EVI5: variants seen among roughly 807,000 people sequenced by gnomAD.
EVI5 encodes ecotropic viral integration site 5 protein homolog.
Under a neutral mutation model 112.0 loss-of-function variants are expected in EVI5, and 73 were observed. The observed-to-expected ratio is 0.65, with a 90% CI of 0.54 to 0.79. EVI5 has a LOEUF of 0.79. EVI5 is among the 30% of genes least tolerant of loss of function. EVI5 has a pLI of 0.00. For synonymous variants in EVI5, 305 were observed against 319.9 expected (o/e 0.95, Z 0.50); for missense variants, 900 against 968.8 (o/e 0.93, Z 0.94).
chr1:92,628,068 G>A (rs759843249), intron 14 of EVI5, among the ~76,000 whole-genome samples: 4 of 152,182 alleles, frequency 2.6e-5, no homozygotes, highest in Admixed American at 6.5e-5. Context: ...GATTACAGGC[G>A]TGAGCCACCG....
At chr1:92,548,023 A>G (rs983279462) in intron 19 of EVI5, among the ~76,000 whole-genome samples, 1 of 152,214 alleles carries the variant, frequency 6.6e-6, no homozygotes, top group Non-Finnish European at 1.5e-5. Flanking sequence ...CTGATACCAA[A>G]GCCTGGCAGA....
intron 18 of EVI5, among the ~76,000 whole-genome samples, chr1:92,569,802 C>T (rs984021085): frequency 2.2e-5 from 3 of 135,648 alleles, no homozygotes; most frequent in African/African-American, 8.6e-5. Context: ...TGCAGTGAGC[C>T]GAGATTGCGC....
At chr1:92,576,997 C>T (rs914897009) in intron 18 of EVI5, among the ~76,000 whole-genome samples, 1 of 152,116 alleles carries the variant, frequency 6.6e-6, no homozygotes, top group African/African-American at 2.4e-5. Flanking sequence ...AAAATAAGTG[C>T]TGAGTGCCAC....
intron 18 of EVI5, among the ~76,000 whole-genome samples, chr1:92,585,328 C>T (rs1672609477): frequency 6.6e-6 from 1 of 151,796 alleles, no homozygotes; most frequent in Non-Finnish European, 1.5e-5. Flanking sequence ...CCCATCTGTA[C>T]AAAAAATTTA....
intron 19 of EVI5, among the ~76,000 whole-genome samples, chr1:92,553,297 A>ATTTTTTTTT (rs147973775): frequency 1.3e-5 from 1 of 74,214 alleles, no homozygotes; most frequent in Non-Finnish European, 2.4e-5. Context: ...CACCTGGCCA[A>ATTTTTTTTT]TTTTTTTTTT....
intron 2 of EVI5, among the ~76,000 whole-genome samples, chr1:92,733,842 G>A (rs767910689): frequency 9.9e-5 from 15 of 152,066 alleles, no homozygotes; most frequent in Non-Finnish European, 2.1e-4. Flanking sequence ...ACAAAGGTGC[G>A]TTTCCTGTTG....
At chr1:92,546,282 G>A (rs988694581) in intron 19 of EVI5, among the ~76,000 whole-genome samples, 1 of 152,168 alleles carries the variant, frequency 6.6e-6, no homozygotes, top group Non-Finnish European at 1.5e-5. Flanking sequence ...GACAAAGACA[G>A]AACTAGAATC....
intron 19 of EVI5, among the ~76,000 whole-genome samples, chr1:92,552,467 C>T (rs909248079): frequency 6.6e-6 from 1 of 152,184 alleles, no homozygotes; most frequent in Non-Finnish European, 1.5e-5. Flanking sequence ...CACTTTTCCC[C>T]ACCAAACTAA....
intron 16 of EVI5, among the ~76,000 whole-genome samples, chr1:92,618,458 G>A (rs769181131): frequency 5.9e-5 from 9 of 152,136 alleles, no homozygotes; most frequent in East Asian, 1.9e-4. Context: ...TGACTGACCC[G>A]GACTATCAAG....
chr1:92,518,193 T>C (rs937195784), intron 19 of EVI5, among the ~76,000 whole-genome samples: 11 of 152,186 alleles, frequency 7.2e-5, no homozygotes, highest in African/African-American at 2.7e-4. Flanking sequence ...CCATCATGAC[T>C]GGCAAAGCAT....
intron 16 of EVI5, among the ~76,000 whole-genome samples, chr1:92,609,934 G>C (rs1207704098): frequency 1.3e-5 from 2 of 151,324 alleles, no homozygotes; most frequent in Non-Finnish European, 2.9e-5. Flanking sequence ...GCCCAGGCTA[G>C]AGTGCAGAGG....
At chr1:92,683,480 A>C (rs969702464) in intron 9 of EVI5, among the ~76,000 whole-genome samples, 2 of 152,216 alleles carry the variant, frequency 1.3e-5, no homozygotes, top group Non-Finnish European at 2.9e-5. Context: ...AAAAATTCCA[A>C]AACACAGAGC....
At chr1:92,678,916 G>C (rs1184469928) in intron 9 of EVI5, among the ~76,000 whole-genome samples, 3 of 152,144 alleles carry the variant, frequency 2.0e-5, no homozygotes, top group Non-Finnish European at 4.4e-5. Flanking sequence ...CTTCTGTATA[G>C]TCACAGATTT....
chr1:92,563,948 C>T (rs1212652698), intron 18 of EVI5, among the ~76,000 whole-genome samples: 2 of 152,106 alleles, frequency 1.3e-5, no homozygotes, highest in South Asian at 2.1e-4. Flanking sequence ...AACAGAGTTT[C>T]GTTCTTGTTG....
chr1:92,689,194 A>T (rs893667015), intron 9 of EVI5, among the ~76,000 whole-genome samples: 1 of 152,112 alleles, frequency 6.6e-6, no homozygotes, highest in Non-Finnish European at 1.5e-5. Context: ...TTAGACTACA[A>T]ATTAGTGTCA....
chr1:92,737,842 A>G (rs1677705550), intron 1 of EVI5, among the ~76,000 whole-genome samples: 1 of 152,230 alleles, frequency 6.6e-6, no homozygotes. Flanking sequence ...ATCTAAAAGG[A>G]CAAAGATTCC....
At chr1:92,660,546 G>A (rs781155459) in intron 13 of EVI5, among the ~76,000 whole-genome samples, 1 of 151,928 alleles carries the variant, frequency 6.6e-6, no homozygotes, top group African/African-American at 2.4e-5. Context: ...ATAACGTATT[G>A]TATATTTGAA....
intron 1 of EVI5, among the ~76,000 whole-genome samples, chr1:92,779,559 T>C (rs1272291031): frequency 2.0e-5 from 3 of 151,428 alleles, no homozygotes; most frequent in Non-Finnish European, 4.4e-5. Context: ...ATTTTTAACA[T>C]TCTCAGAGAG....
At chr1:92,702,069 G>C in intron 5 of EVI5, 72 bp downstream of exon 5, 1 of 730,174 alleles carries the variant, frequency 1.4e-6, no homozygotes, top group South Asian at 1.7e-5. Context: ...ATAAAACAAA[G>C]ATGCTTTTTA....
Sources: gnomAD v4.1 joint callset for allele counts (sites outside exome capture counted in the v4.1 genomes callset) on GRCh38, gnomAD v4.1.1 for gene constraint, MANE v1.5 for transcripts, NCBI Gene and HGNC (gene_info 2026-07-23, HGNC 2026-07-21) for gene names.